GRM5: variants seen among roughly 807,000 people sequenced by gnomAD.
GRM5 encodes glutamate metabotropic receptor 5, also known as metabotropic glutamate receptor 5.
A neutral mutation model predicts 83.1 loss-of-function variants in GRM5; 19 were observed. The ratio of observed to expected loss-of-function variants is 0.23; its 90% CI spans 0.16 to 0.34. The LOEUF (loss-of-function observed/expected upper bound fraction) is 0.34, where lower values mean the gene tolerates loss of function less well. Ranked by LOEUF, GRM5 falls within the 10% of genes least tolerant of loss-of-function variation. GRM5 has a pLI of 1.00. For synonymous variants in GRM5, 675 were observed against 633.6 expected, an observed-to-expected ratio of 1.07 and a Z score of -0.98; for missense variants, 1,160 against 1,588.3, an observed-to-expected ratio of 0.73 and a Z score of 4.58.
intron 3 of GRM5, among the ~76,000 whole-genome samples, chr11:88,738,155 T>C (rs1045569530): frequency 1.3e-5 from 2 of 152,214 alleles, no homozygotes; most frequent in East Asian, 3.9e-4. Context: ...ATTTTATTAT[T>C]TGTACTTTAG....
At chr11:88,755,477 C>T (rs1445478816) in intron 3 of GRM5, among the ~76,000 whole-genome samples, 1 of 152,104 alleles carries the variant, frequency 6.6e-6, no homozygotes, top group Non-Finnish European at 1.5e-5. Flanking sequence ...TGAACAGTGT[C>T]CTATCACAAT....
chr11:88,629,029 G>T (rs949133173), intron 4 of GRM5, among the ~76,000 whole-genome samples: 9 of 152,118 alleles, frequency 5.9e-5, no homozygotes, highest in African/African-American at 1.7e-4. Flanking sequence ...CTGCAAAGTA[G>T]GTTTGTAAAT....
At chr11:88,774,315 G>C (rs1383880712) in intron 3 of GRM5, among the ~76,000 whole-genome samples, 1 of 152,192 alleles carries the variant, frequency 6.6e-6, no homozygotes, top group East Asian at 1.9e-4. Context: ...CTGAGACTTT[G>C]CTGAAGTTGC....
intron 2 of GRM5, among the ~76,000 whole-genome samples, chr11:88,982,715 A>T: frequency 6.6e-6 from 1 of 152,328 alleles, no homozygotes; most frequent in South Asian, 2.1e-4. Context: ...AATACAAATT[A>T]TAGAGGAATA....
At chr11:88,514,002 T>G (rs1210178268) in intron 9 of GRM5, among the ~76,000 whole-genome samples, 2 of 152,074 alleles carry the variant, frequency 1.3e-5, no homozygotes, top group Admixed American at 1.3e-4. Flanking sequence ...AAAGGGAACT[T>G]TTCTTTACCC....
intron 2 of GRM5, among the ~76,000 whole-genome samples, chr11:88,855,959 G>A (rs920908174): frequency 6.6e-6 from 1 of 151,824 alleles, no homozygotes; most frequent in African/African-American, 2.4e-5. Flanking sequence ...TTTCTAAGCA[G>A]AACACCAAGC....
intron 3 of GRM5, among the ~76,000 whole-genome samples, chr11:88,655,587 CT>C (rs1265686136): frequency 2.0e-5 from 3 of 151,470 alleles, no homozygotes; most frequent in East Asian, 3.9e-4. Flanking sequence ...TCTTGATAAA[CT>C]TTTTTGCAGG....
At chr11:89,026,399 G>C (rs1046540083) in intron 2 of GRM5, among the ~76,000 whole-genome samples, 1 of 152,226 alleles carries the variant, frequency 6.6e-6, no homozygotes, top group Admixed American at 6.5e-5. Flanking sequence ...GAGTAGAATT[G>C]AGGGTCAGGG....
intron 2 of GRM5, among the ~76,000 whole-genome samples, chr11:88,921,175 A>G (rs1434313855): frequency 1.3e-5 from 2 of 152,180 alleles, no homozygotes; most frequent in African/African-American, 4.8e-5. Flanking sequence ...AGTGGAATTT[A>G]TCCCAGGGAT....
rs865810013 is a variant in GRM5, at chr11:88,875,748, T to C, written c.662-25593A>G. Among the ~76,000 whole-genome samples, 191 of 152,238 alleles carry C rather than the reference T, an allele frequency of 1.3e-3. 10 individuals are homozygous for C. The highest frequency in any genetic ancestry group is 6.8e-3 in the Middle Eastern group (2 of 294). ...CATGAAAACAACATTAATCTCCTTATAATTTTTCATCAGAGCTCTTGGGTG... is the reference window on the plus strand; with the variant it reads ...CATGAAAACAACATTAATCTCCTTACAATTTTTCATCAGAGCTCTTGGGTG... On this transcript the variant is annotated intron_variant, in intron 2 of 9. Coordinates refer to ENST00000305447, the MANE Select transcript of GRM5 (RefSeq NM_001143831.3).
chr11:88,850,568 A>T (rs1278993157), intron 2 of GRM5, among the ~76,000 whole-genome samples: 1 of 151,282 alleles, frequency 6.6e-6, no homozygotes, highest in East Asian at 1.9e-4. Context: ...TATAGTACAT[A>T]TAAGTAATAC....
At chr11:88,646,360 T>C (rs763319193) in intron 4 of GRM5, among the ~76,000 whole-genome samples, 8 of 73,074 alleles carry the variant, frequency 1.1e-4, no homozygotes, top group Non-Finnish European at 3.3e-4. Context: ...TCCATAACTG[T>C]GCCATTTAAG....
intron 3 of GRM5, among the ~76,000 whole-genome samples, chr11:88,658,492 G>T (rs1377232034): frequency 1.3e-5 from 2 of 152,058 alleles, no homozygotes; most frequent in Non-Finnish European, 2.9e-5. Flanking sequence ...TTGAAACTGA[G>T]AAAAAACATG....
intron 3 of GRM5, among the ~76,000 whole-genome samples, chr11:88,780,383 G>A (rs939723994): frequency 6.6e-6 from 1 of 152,152 alleles, no homozygotes. Flanking sequence ...TTGAGAACAT[G>A]AGTTTATAGT....
At chr11:88,693,689 A>G (rs1940836496) in intron 3 of GRM5, among the ~76,000 whole-genome samples, 1 of 152,156 alleles carries the variant, frequency 6.6e-6, no homozygotes, top group African/African-American at 2.4e-5. Context: ...CTCTTTCTCT[A>G]AAAGAATTTT....
chr11:88,811,359 C>T (rs1315398180), intron 3 of GRM5, among the ~76,000 whole-genome samples: 1 of 152,040 alleles, frequency 6.6e-6, no homozygotes, highest in African/African-American at 2.4e-5. Flanking sequence ...GAAACAAGGA[C>T]TTTGGGAATC....
chr11:88,612,837 C>T (rs1308686726), intron 4 of GRM5: 3 of 152,244 alleles, frequency 2.0e-5, no homozygotes, highest in African/African-American at 7.2e-5. Context: ...ATTTGCGTGT[C>T]ATCCTTGCGC....
intron 3 of GRM5, among the ~76,000 whole-genome samples, chr11:88,845,142 G>A (rs528210569): frequency 7.2e-5 from 11 of 152,218 alleles, no homozygotes; most frequent in Non-Finnish European, 1.5e-4. Context: ...ACTTCCTTTT[G>A]TGAAAGGAAG....
chr11:88,593,869 C>T (rs1352488935), intron 6 of GRM5, among the ~76,000 whole-genome samples: 1 of 151,126 alleles, frequency 6.6e-6, no homozygotes, highest in East Asian at 2.0e-4. Flanking sequence ...TCTCGGCTCA[C>T]TGCAAGCTCC....
Sources: gnomAD v4.1 joint callset for allele counts (sites outside exome capture counted in the v4.1 genomes callset) on GRCh38, gnomAD v4.1.1 for gene constraint, MANE v1.5 for transcripts, NCBI Gene and HGNC (gene_info 2026-07-23, HGNC 2026-07-21) for gene names.